LEF1: variants seen among roughly 807,000 people sequenced by gnomAD.
LEF1 encodes lymphoid enhancer binding factor 1.
Under a neutral mutation model 51.2 loss-of-function variants are expected in LEF1, and 14 were observed. That is an observed-to-expected ratio of 0.27 (90% CI 0.18 to 0.43). The LOEUF (loss-of-function observed/expected upper bound fraction) is 0.43, where lower values mean the gene tolerates loss of function less well. Among genes scored for constraint, LEF1 ranks in the 20% least tolerant of loss-of-function variants. The pLI, the probability that LEF1 is intolerant of heterozygous loss-of-function variation, is 1.00. For missense variants in LEF1, 386 were observed against 512.0 expected (o/e 0.75, Z 2.37); for synonymous variants, 185 against 183.2 (o/e 1.01, Z -0.08).
intron 11 of LEF1, among the ~76,000 whole-genome samples, chr4:108,062,376 G>A (rs979155436): frequency 1.3e-5 from 2 of 152,150 alleles, no homozygotes; most frequent in Non-Finnish European, 2.9e-5. Flanking sequence ...ATGGGCTTTC[G>A]AAGCCCAGGG....
In LEF1 at chr4:108,064,331, C is replaced by T. The variant is rs747809538; in HGVS notation, c.1165+5G>A. The stretch of plus-strand genomic sequence containing the variant: ...GGATTGACTGGAAAGTCTCATGGTG[C>T]CTACCTGATGCAGATTCCTGTAGTT... On this transcript the variant is annotated splice_donor_5th_base_variant and intron_variant, in intron 10 of 11. Transcript: ENST00000265165. The T allele has an allele frequency of 3.1e-6, 5 of 1,609,186 alleles. No individual in the cohort carries two copies. In the East Asian group the frequency reaches 8.9e-5, roughly 29 times the overall value.
chr4:108,104,664 C>T, intron 3 of LEF1: 7 of 983,954 alleles, frequency 7.1e-6, no homozygotes, highest in Non-Finnish European at 7.2e-6. Context: ...CCCAAACTAT[C>T]GTATGAAGGA....
At chr4:108,093,998 G>C (rs545999498) in intron 3 of LEF1, among the ~76,000 whole-genome samples, 1 of 152,186 alleles carries the variant, frequency 6.6e-6, no homozygotes, top group South Asian at 2.1e-4. Context: ...AAACAGGCAT[G>C]GAGAAGAAAA....
chr4:108,101,112 G>A (rs1358847171), intron 3 of LEF1, among the ~76,000 whole-genome samples: 1 of 152,168 alleles, frequency 6.6e-6, no homozygotes, highest in African/African-American at 2.4e-5. Flanking sequence ...ACAGCAATGA[G>A]AAGAGATTTG....
At chr4:108,153,359 T>C (rs986420089) in intron 3 of LEF1, among the ~76,000 whole-genome samples, 2 of 152,236 alleles carry the variant, frequency 1.3e-5, no homozygotes, top group Non-Finnish European at 2.9e-5. Context: ...GTATCACAGT[T>C]CAAGTCACGT....
At position 108,168,807 on chromosome 4, in the gene LEF1, C is replaced by T. The variant is rs1290116286; in HGVS notation, c.-1040G>A. The T allele has an allele frequency of 6.6e-6, 1 of 152,224 alleles. No individual in the cohort carries two copies. The highest frequency in any genetic ancestry group is 2.1e-4 in the South Asian group (1 of 4,832). 9.4% of individuals were successfully genotyped at this position (152,224 alleles called of 1,614,324 possible). On this transcript the variant is annotated 5_prime_UTR_variant, in exon 1 of 12. Coordinates refer to ENST00000265165, the MANE Select transcript of LEF1 (RefSeq NM_016269.5). This position sits in a 1 kb window ranked among gnomAD's most constrained non-coding sequence, Gnocchi z 4.6. ...TTCGCCCGGCCGAGGGGAGGGGACG[C>T]CCCGAGCTTGGCCGCGTGCGAGGCT...
At chr4:108,120,479 T>C (rs1244105828) in intron 3 of LEF1, among the ~76,000 whole-genome samples, 1 of 152,248 alleles carries the variant, frequency 6.6e-6, no homozygotes, top group Non-Finnish European at 1.5e-5. Flanking sequence ...GAAAGAATTA[T>C]TTTAATAGCT....
chr4:108,123,804 A>G (rs1007107855), intron 3 of LEF1, among the ~76,000 whole-genome samples: 2 of 152,150 alleles, frequency 1.3e-5, no homozygotes, highest in Admixed American at 1.3e-4. Flanking sequence ...GATGCCTAAT[A>G]TCAGCTTTAA....
intron 3 of LEF1, among the ~76,000 whole-genome samples, chr4:108,099,568 GTGTATA>G (rs1560789113): frequency 2.1e-5 from 1 of 48,156 alleles, no homozygotes; most frequent in African/African-American, 7.2e-5. Context: ...GTGTGTGTGT[GTGTATA>G]TATATATATA....
At chr4:108,050,578 A>G (rs1377743538) in intron 11 of LEF1, among the ~76,000 whole-genome samples, 1 of 152,230 alleles carries the variant, frequency 6.6e-6, no homozygotes, top group Non-Finnish European at 1.5e-5. Flanking sequence ...GGCACCCCAC[A>G]GATTCCTATT....
intron 11 of LEF1, among the ~76,000 whole-genome samples, chr4:108,049,906 G>A (rs1174173661): frequency 2.6e-5 from 4 of 152,230 alleles, no homozygotes; most frequent in Admixed American, 1.3e-4. Flanking sequence ...TGGGAACTGC[G>A]AGGACACCTG....
At chr4:108,158,114 A>G (rs1275232782) in intron 3 of LEF1, among the ~76,000 whole-genome samples, 1 of 151,314 alleles carries the variant, frequency 6.6e-6, no homozygotes, top group Non-Finnish European at 1.5e-5. Flanking sequence ...TCTCTATCTG[A>G]GATACTGGAT....
At chr4:108,122,403 A>G (rs1286995123) in intron 3 of LEF1, among the ~76,000 whole-genome samples, 2 of 151,982 alleles carry the variant, frequency 1.3e-5, no homozygotes, top group African/African-American at 4.8e-5. Flanking sequence ...TTTGGTCTCT[A>G]TAATTCTGCA....
chr4:108,065,058 A>C (rs1203040669), intron 9 of LEF1, among the ~76,000 whole-genome samples: 2 of 152,210 alleles, frequency 1.3e-5, no homozygotes, highest in South Asian at 2.1e-4. Context: ...CTTGCTTCCC[A>C]AAACAGACAA....
At chr4:108,154,485 T>C (rs1459069429) in intron 3 of LEF1, among the ~76,000 whole-genome samples, 2 of 150,804 alleles carry the variant, frequency 1.3e-5, no homozygotes, top group Non-Finnish European at 3.0e-5. Flanking sequence ...TTTCCCTTCT[T>C]TTTCAAGCAA....
intron 8 of LEF1, among the ~76,000 whole-genome samples, chr4:108,077,650 C>T (rs1258191894): frequency 2.8e-5 from 4 of 142,558 alleles, no homozygotes; most frequent in South Asian, 2.3e-4. Context: ...GCCCGGCTGC[C>T]GCCCCGTCTG....
intron 3 of LEF1, among the ~76,000 whole-genome samples, chr4:108,141,517 T>C (rs1743651681): frequency 1.3e-5 from 2 of 152,332 alleles, no homozygotes; most frequent in East Asian, 1.9e-4. Flanking sequence ...GTTTTCATGA[T>C]GGTTGAATTA....
intron 3 of LEF1, among the ~76,000 whole-genome samples, chr4:108,162,449 T>C (rs974101560): frequency 6.6e-6 from 1 of 152,234 alleles, no homozygotes; most frequent in Admixed American, 6.5e-5. Context: ...ACTGTTGATT[T>C]TGAGCCACTA....
At chr4:108,144,637 G>A (rs1237264126) in intron 3 of LEF1, among the ~76,000 whole-genome samples, 1 of 152,138 alleles carries the variant, frequency 6.6e-6, no homozygotes, top group African/African-American at 2.4e-5. Context: ...AATCTAGAGA[G>A]AAGGAAGGGA....
Sources: allele counts gnomAD v4.1 joint callset (sites outside exome capture counted in the v4.1 genomes callset), GRCh38; gene constraint gnomAD v4.1.1; non-coding constraint Gnocchi (gnomAD v3.1); transcripts MANE v1.5; gene names NCBI Gene and HGNC (gene_info 2026-07-23, HGNC 2026-07-21).